The following HIPK2 variants were observed in gnomAD, a reference collection of about 807,000 sequenced individuals.
The protein encoded by HIPK2 is homeodomain interacting protein kinase 2.
Under a neutral mutation model 113.7 loss-of-function variants are expected in HIPK2, and 27 were observed. That is an observed-to-expected ratio of 0.24 (90% CI 0.17 to 0.33). The LOEUF (loss-of-function observed/expected upper bound fraction) is 0.33. HIPK2 is among the 10% of genes least tolerant of loss of function. The probability of loss-of-function intolerance (pLI) is 1.00; values close to 1 mark genes in which losing one functional copy is unlikely to be tolerated. For synonymous variants in HIPK2, 631 were observed against 642.2 expected (o/e 0.98, Z 0.26); for missense variants, 1,257 against 1,588.0 (o/e 0.79, Z 3.54).
intron 2 of HIPK2, among the ~76,000 whole-genome samples, chr7:139,689,566 T>C (rs1012281914): frequency 3.9e-5 from 6 of 152,174 alleles, no homozygotes; most frequent in African/African-American, 1.2e-4. Flanking sequence ...CTTATGTCTG[T>C]TGATGGTGAA....
chr7:139,627,910 A>T (rs1488218745), intron 5 of HIPK2, among the ~76,000 whole-genome samples: 1 of 152,222 alleles, frequency 6.6e-6, no homozygotes, highest in East Asian at 1.9e-4. Flanking sequence ...AAGATATATT[A>T]AAGTCCCAGT....
chr7:139,731,648 TG>T (rs1481026974), intron 1 of HIPK2, among the ~76,000 whole-genome samples: 1 of 152,234 alleles, frequency 6.6e-6, no homozygotes, highest in African/African-American at 2.4e-5. Context: ...GTTCTCTAAC[TG>T]CAAAGAAAAC....
intron 2 of HIPK2, among the ~76,000 whole-genome samples, chr7:139,660,344 C>T (rs769567138): frequency 2.6e-5 from 4 of 152,192 alleles, no homozygotes; most frequent in Non-Finnish European, 5.9e-5. Context: ...AACTCAAATA[C>T]AATTTGCATG....
chr7:139,774,062 T>C (rs889892284), intron 1 of HIPK2, among the ~76,000 whole-genome samples: 23 of 152,334 alleles, frequency 1.5e-4, no homozygotes, highest in South Asian at 6.2e-4. Flanking sequence ...GAAGGTTCTT[T>C]CTTCTATGGC....
In HIPK2 at chr7:139,561,839, C is replaced by T. The variant is rs971953760; in HGVS notation, c.*11088G>A. ...TCTATATTTTTTCTGTTAAAATCAT[C>T]TCATAAATTTACAATGCTATTATTA... On this transcript the variant is annotated 3_prime_UTR_variant, in exon 15 of 15. Transcript: ENST00000406875. 3.3e-5 allele frequency: 5 copies of T among 150,404 alleles called. No homozygotes were observed. Among genetic ancestry groups the T allele is most frequent in the African/African-American group, 1.2e-4 (5 of 40,998 alleles). 9.3% of individuals were successfully genotyped at this position (150,404 alleles called of 1,614,324 possible).
At chr7:139,661,421 T>C (rs1801864322) in intron 2 of HIPK2, among the ~76,000 whole-genome samples, 1 of 152,212 alleles carries the variant, frequency 6.6e-6, no homozygotes, top group African/African-American at 2.4e-5. Context: ...TACCCATCTG[T>C]GGTGTCTTCA....
intron 2 of HIPK2, among the ~76,000 whole-genome samples, chr7:139,633,271 G>GGA (rs1800686102): frequency 6.6e-6 from 1 of 151,926 alleles, no homozygotes; most frequent in African/African-American, 2.4e-5. Flanking sequence ...AGGGAGCTGG[G>GGA]GAGACCTTTC....
rs1037242468 is a variant in HIPK2, at chr7:139,726,177, C to T, written c.20-9162G>A. Among the ~76,000 whole-genome samples the T allele has an allele frequency of 3.3e-5, 5 of 152,178 alleles. No homozygotes were observed. The East Asian group carries it at 9.6e-4, about 29-fold the overall frequency. ...TACCTATTTAAAGAGGTAACCACTG[C>T]TTATCTGATGCATAGGGGGTCAGTG... On this transcript the variant is annotated intron_variant, in intron 1 of 14. Transcript: ENST00000406875.
chr7:139,694,709 CTGCTT>C (rs1794515413), intron 2 of HIPK2, among the ~76,000 whole-genome samples: 1 of 152,126 alleles, frequency 6.6e-6, no homozygotes, highest in Non-Finnish European at 1.5e-5. Flanking sequence ...GAGGTAGTGT[CTGCTT>C]TGGTTTAGTG....
Position 139,573,224 on chromosome 7 carries a change from G to A in HIPK2, c.3300C>T (p.Pro1100=), listed in dbSNP as rs1401998489. Residue 1100 remains proline (P), a synonymous_variant, in exon 15 of 15, where the codon CCC becomes CCT. Transcript: ENST00000406875. ...CCGGCGCAGTGTAGGTGTAGAGGTG[G>A]GGCTGGGTGGGGAGGTGGGCAGCGG... ...AAAAAHLPTQ[P]HLYTYTAPAA... is the part of the protein sequence containing the mutation. 1 of 1,605,614 alleles carries A rather than the reference G, an allele frequency of 6.2e-7. No individual in the cohort carries two copies. The highest frequency in any genetic ancestry group is 1.7e-5 in the Admixed American group (1 of 59,968).
Position 139,677,156 on chromosome 7 carries a change from C to T in HIPK2, c.1103+38776G>A, listed in dbSNP as rs553573940. ...GATTACAGGCGTGAGCCACCACGCCCGGCCAAACCATAGTATTTCTAATGT... is the reference window on the plus strand; with the variant it reads ...GATTACAGGCGTGAGCCACCACGCCTGGCCAAACCATAGTATTTCTAATGT... On this transcript the variant is annotated intron_variant, in intron 2 of 14. Transcript: ENST00000406875. 9.9e-4 allele frequency among the ~76,000 whole-genome samples: 151 copies of T among 151,886 alleles called. 1 individual carries two copies. Among genetic ancestry groups the T allele is most frequent in the African/African-American group, 3.2e-3 (131 of 41,434 alleles).
At chr7:139,645,571 C>A (rs540004771) in intron 2 of HIPK2, among the ~76,000 whole-genome samples, 1 of 152,256 alleles carries the variant, frequency 6.6e-6, no homozygotes, top group South Asian at 2.1e-4. Flanking sequence ...AAGCAACTTT[C>A]CAAATAAAGC....
chr7:139,755,286 C>T (rs563657623), intron 1 of HIPK2, among the ~76,000 whole-genome samples: 5 of 152,288 alleles, frequency 3.3e-5, no homozygotes, highest in Middle Eastern at 6.8e-3. Context: ...ACCGACATAC[C>T]ACAAACCATG....
At chr7:139,639,437 T>C (rs1800928276) in intron 2 of HIPK2, among the ~76,000 whole-genome samples, 1 of 152,182 alleles carries the variant, frequency 6.6e-6, no homozygotes, top group South Asian at 2.1e-4. Context: ...CTGTGCCAGG[T>C]ACTGTGCTGG....
chr7:139,757,768 G>A lies in HIPK2; in HGVS notation c.19+19837C>T, dbSNP rs528123665. ...GGGTGACAAAAATGTTGTAAAATTA[G>A]ATAGTAGTGATGGTTGCACAATTTG... is the stretch of plus-strand genomic sequence containing the variant. On this transcript the variant is annotated intron_variant, in intron 1 of 14. Coordinates refer to ENST00000406875, the MANE Select transcript of HIPK2 (RefSeq NM_022740.5). Among the ~76,000 whole-genome samples, 303 of 152,256 alleles carry A rather than the reference G, an allele frequency of 2.0e-3. 1 individual carries two copies. Among genetic ancestry groups the A allele is most frequent in the African/African-American group, 7.0e-3 (292 of 41,554 alleles).
At chr7:139,695,120 C>T (rs1244553208) in intron 2 of HIPK2, among the ~76,000 whole-genome samples, 6 of 152,176 alleles carry the variant, frequency 3.9e-5, no homozygotes, top group Non-Finnish European at 5.9e-5. Flanking sequence ...GCTCAGTGCA[C>T]GGACTTCACT....
chr7:139,635,534 G>A (rs535212875), intron 2 of HIPK2, among the ~76,000 whole-genome samples: 1 of 152,302 alleles, frequency 6.6e-6, no homozygotes, highest in South Asian at 2.1e-4. Context: ...GACGACTGAC[G>A]TGACATGAAC....
At chr7:139,664,036 G>A (rs189534098) in intron 2 of HIPK2, among the ~76,000 whole-genome samples, 2 of 152,270 alleles carry the variant, frequency 1.3e-5, no homozygotes, top group African/African-American at 4.8e-5. Flanking sequence ...GCTTGGTACC[G>A]AGTCCCTGAC....
At chr7:139,705,127 T>C (rs957263264) in intron 2 of HIPK2, among the ~76,000 whole-genome samples, 1 of 152,176 alleles carries the variant, frequency 6.6e-6, no homozygotes, top group Non-Finnish European at 1.5e-5. Context: ...GAAAAAGAAA[T>C]GATTGGGAAT....
Sources: allele counts gnomAD v4.1 joint callset (sites outside exome capture counted in the v4.1 genomes callset), GRCh38; gene constraint gnomAD v4.1.1; transcripts MANE v1.5; gene names NCBI Gene and HGNC (gene_info 2026-07-23, HGNC 2026-07-21).